The following NTN4 variants were observed in gnomAD, a reference collection of about 807,000 sequenced individuals.
NTN4 encodes netrin 4, also known as netrin-4.
In NTN4, 32 loss-of-function variants were observed where a neutral mutation model predicts 73.6. The ratio of observed to expected loss-of-function variants is 0.44; its 90% CI spans 0.33 to 0.58. The LOEUF (loss-of-function observed/expected upper bound fraction) is 0.58. Among genes scored for constraint, NTN4 ranks in the 20% least tolerant of loss-of-function variants. The probability of loss-of-function intolerance (pLI) is 0.04; values close to 1 mark genes in which losing one functional copy is unlikely to be tolerated. For missense variants in NTN4, 654 were observed against 798.3 expected (o/e 0.82, Z 2.18); for synonymous variants, 258 against 287.5 (o/e 0.90, Z 1.04).
intron 5 of NTN4, among the ~76,000 whole-genome samples, chr12:95,687,462 G>A (rs983459101): frequency 2.0e-5 from 3 of 151,698 alleles, no homozygotes; most frequent in Non-Finnish European, 4.4e-5. Flanking sequence ...GTGCAGTGGT[G>A]TGATCTCGGC....
chr12:95,773,148 C>T (rs2079069338), intron 2 of NTN4, among the ~76,000 whole-genome samples: 1 of 152,102 alleles, frequency 6.6e-6, no homozygotes, highest in African/African-American at 2.4e-5. Flanking sequence ...GAATTTCAGG[C>T]ACCTGCCACC....
chr12:95,789,998 C>G lies in NTN4; in HGVS notation c.55+257G>C, dbSNP rs538338433. The stretch of plus-strand genomic sequence containing the variant: ...ACAAGCCAAACCAAGAAAGAAACCC[C>G]GGTCGCAGTATCCCCGGCAGGGCGC... On this transcript the variant is annotated intron_variant, in intron 1 of 9. Transcript: ENST00000343702. This position sits in a 1 kb window ranked among gnomAD's most constrained non-coding sequence, Gnocchi z 4.0. The G allele has an allele frequency of 2.5e-6, 1 of 405,652 alleles. No homozygotes were observed. The highest frequency in any genetic ancestry group is 8.7e-5 in the South Asian group (1 of 11,482). The allele number at this position is 405,652 out of a possible 1,614,324, so 25.1% of individuals were successfully genotyped here.
chr12:95,787,901 A>G (rs2079181636), intron 1 of NTN4, among the ~76,000 whole-genome samples: 1 of 152,184 alleles, frequency 6.6e-6, no homozygotes, highest in African/African-American at 2.4e-5. Flanking sequence ...TTTTAAGACC[A>G]CCTAAGTTAG....
chr12:95,677,571 T>G (rs1415115597), intron 7 of NTN4, among the ~76,000 whole-genome samples: 1 of 152,092 alleles, frequency 6.6e-6, no homozygotes, highest in Non-Finnish European at 1.5e-5. Flanking sequence ...AAATGAAAGA[T>G]AAAAACCCTA....
At position 95,691,457 on chromosome 12, in the gene NTN4, G is replaced by A. The variant is rs185210733; in HGVS notation, c.1181-7746C>T. ...GTTGCTCAGGCTAGAGTGCAGTGGCGTAATCTTGGCTGACTACAACCTCCG... is the reference window on the plus strand; with the variant it reads ...GTTGCTCAGGCTAGAGTGCAGTGGCATAATCTTGGCTGACTACAACCTCCG... On this transcript the variant is annotated intron_variant, in intron 5 of 9. Transcript: ENST00000343702. Among the ~76,000 whole-genome samples the A allele has an allele frequency of 4.5e-4, 69 of 152,266 alleles. 1 individual carries two copies. In the East Asian group the frequency reaches 8.3e-3, roughly 18 times the overall value.
chr12:95,769,137 G>C (rs11108251), intron 2 of NTN4, among the ~76,000 whole-genome samples: 51,856 of 151,936 alleles, frequency 0.34, 9,420 homozygotes, highest in East Asian at 0.6. Context: ...AAACTTGAGA[G>C]TGGAAAACAT....
At chr12:95,708,245 CTTTA>C (rs1474424206) in intron 5 of NTN4, among the ~76,000 whole-genome samples, 3 of 149,546 alleles carry the variant, frequency 2.0e-5, no homozygotes, top group Non-Finnish European at 4.4e-5. Context: ...ATTTTTATTT[CTTTA>C]TTGTTATTTT....
intron 7 of NTN4, among the ~76,000 whole-genome samples, chr12:95,678,761 G>A (rs1175075494): frequency 6.6e-6 from 1 of 151,122 alleles, no homozygotes; most frequent in Non-Finnish European, 1.5e-5. Flanking sequence ...AAAGTCGCTG[G>A]ATACAAGCTC....
intron 2 of NTN4, among the ~76,000 whole-genome samples, chr12:95,754,840 T>C (rs979766466): frequency 3.6e-4 from 55 of 152,360 alleles, no homozygotes; most frequent in African/African-American, 1.3e-3. Context: ...AACAGCCATG[T>C]TGCTCACACA....
chr12:95,712,282 C>T (rs2078570104), intron 4 of NTN4, among the ~76,000 whole-genome samples: 1 of 152,110 alleles, frequency 6.6e-6, no homozygotes, highest in South Asian at 2.1e-4. Flanking sequence ...TCATTCTTAA[C>T]TTACTGGCTT....
At chr12:95,672,193 A>G (rs2078237096) in intron 7 of NTN4, 2 of 506,556 alleles carry the variant, frequency 3.9e-6, no homozygotes, top group Admixed American at 3.9e-5. Context: ...CGCAGGCGCA[A>G]TGGTCGGGTT....
intron 8 of NTN4, among the ~76,000 whole-genome samples, 165 bp downstream of exon 8, chr12:95,669,913 A>G (rs1373836130): frequency 6.6e-6 from 1 of 152,176 alleles, no homozygotes; most frequent in African/African-American, 2.4e-5. Flanking sequence ...CATCAGGAAA[A>G]TCTAGCTCAA....
intron 9 of NTN4, among the ~76,000 whole-genome samples, chr12:95,663,149 A>G (rs761513446): frequency 6.6e-6 from 1 of 152,064 alleles, no homozygotes; most frequent in Non-Finnish European, 1.5e-5. Flanking sequence ...AAAGAAATCA[A>G]TCTCAGGGTT....
At chr12:95,776,308 G>A (rs572466891) in intron 2 of NTN4, among the ~76,000 whole-genome samples, 1 of 152,326 alleles carries the variant, frequency 6.6e-6, no homozygotes, top group South Asian at 2.1e-4. Flanking sequence ...AAAGCTGGAT[G>A]GAGAATGACT....
chr12:95,773,105 G>A (rs1179632736), intron 2 of NTN4, among the ~76,000 whole-genome samples: 7 of 151,492 alleles, frequency 4.6e-5, no homozygotes, highest in African/African-American at 1.2e-4. Context: ...CGGGGTTCAC[G>A]TTATTCTCAT....
At chr12:95,709,994 G>A (rs1442171474) in intron 5 of NTN4, among the ~76,000 whole-genome samples, 1 of 152,166 alleles carries the variant, frequency 6.6e-6, no homozygotes, top group South Asian at 2.1e-4. Context: ...GATTTATAAG[G>A]AAACCAAAAC....
chr12:95,702,759 A>G (rs1457253786), intron 5 of NTN4, among the ~76,000 whole-genome samples: 2 of 151,930 alleles, frequency 1.3e-5, no homozygotes, highest in East Asian at 1.9e-4. Flanking sequence ...GAAGCACTCA[A>G]TAAATGTTTT....
chr12:95,744,839 T>C (rs2078850180), intron 2 of NTN4, among the ~76,000 whole-genome samples: 1 of 151,736 alleles, frequency 6.6e-6, no homozygotes, highest in Non-Finnish European at 1.5e-5. Context: ...AAAACTTTTT[T>C]TTTTTTTTTT....
chr12:95,777,954 A>G (rs570142218), intron 2 of NTN4, among the ~76,000 whole-genome samples: 1 of 152,208 alleles, frequency 6.6e-6, no homozygotes, highest in Non-Finnish European at 1.5e-5. Flanking sequence ...AAATTATAAC[A>G]AACTGTCTCT....
Sources: allele counts gnomAD v4.1 joint callset (sites outside exome capture counted in the v4.1 genomes callset), GRCh38; gene constraint gnomAD v4.1.1; non-coding constraint Gnocchi (gnomAD v3.1); transcripts MANE v1.5; gene names NCBI Gene and HGNC (gene_info 2026-07-23, HGNC 2026-07-21).